Variants in TTBK2 observed in about 807,000 individuals in gnomAD.
TTBK2 encodes the protein tau tubulin kinase 2, also known as tau-tubulin kinase 2.
TTBK2 carries 28 observed loss-of-function variants against 110.8 expected under a neutral mutation model. The ratio of observed to expected loss-of-function variants is 0.25; its 90% CI spans 0.19 to 0.35. The LOEUF is 0.35. TTBK2 is among the 10% of genes least tolerant of loss of function. The pLI is 1.00. For synonymous variants in TTBK2, 532 were observed against 527.3 expected (o/e 1.01, Z -0.12); for missense variants, 1,369 against 1,500.3 (o/e 0.91, Z 1.45).
chr15:42,816,095 T>A (rs1476636865), intron 7 of TTBK2, among the ~76,000 whole-genome samples: 6 of 114,516 alleles, frequency 5.2e-5, no homozygotes, highest in African/African-American at 8.0e-5. Context: ...AATATATATA[T>A]ATATATATAT....
chr15:42,838,987 T>G (rs1356480483), intron 4 of TTBK2, among the ~76,000 whole-genome samples: 1 of 152,194 alleles, frequency 6.6e-6, no homozygotes, highest in Admixed American at 6.5e-5. Context: ...TGTGCAGGTT[T>G]GACACATGGG....
chr15:42,802,034 G>A (rs1891235942), intron 9 of TTBK2: 1 of 1,475,124 alleles, frequency 6.8e-7, no homozygotes. Context: ...TTCTGCTGCT[G>A]CACGAGGCTC....
At chr15:42,805,888 A>T (rs1891445714) in intron 9 of TTBK2, among the ~76,000 whole-genome samples, 1 of 152,226 alleles carries the variant, frequency 6.6e-6, no homozygotes, top group South Asian at 2.1e-4. Flanking sequence ...CTGGATTTTC[A>T]AGTTACTCTT....
At chr15:42,883,124 G>A (rs1895108966) in intron 1 of TTBK2, among the ~76,000 whole-genome samples, 1 of 152,154 alleles carries the variant, frequency 6.6e-6, no homozygotes, top group Admixed American at 6.6e-5. Context: ...GCTCACACCT[G>A]TAATCCCAAC....
chr15:42,802,471 T>G, intron 9 of TTBK2: 1 of 644,484 alleles, frequency 1.6e-6, no homozygotes, highest in Non-Finnish European at 2.8e-6. Context: ...CTTCTTGGTC[T>G]GCACACAGTC....
At chr15:42,802,240 C>T in intron 9 of TTBK2, 1 of 844,964 alleles carries the variant, frequency 1.2e-6, no homozygotes, top group Non-Finnish European at 2.0e-6. Context: ...TCCACTGGCC[C>T]CACCATATCC....
chr15:42,825,037 A>G (rs959473353), intron 6 of TTBK2, among the ~76,000 whole-genome samples: 3 of 152,162 alleles, frequency 2.0e-5, no homozygotes, highest in Non-Finnish European at 4.4e-5. Flanking sequence ...ACCTGAGCCC[A>G]GTAGTTTGAG....
intron 3 of TTBK2, among the ~76,000 whole-genome samples, chr15:42,841,832 T>C (rs1423170780): frequency 1.3e-5 from 2 of 152,268 alleles, no homozygotes; most frequent in East Asian, 1.9e-4. Context: ...TATGAGAATA[T>C]AGTAGGCTGT....
At chr15:42,878,304 T>C (rs1417343082) in intron 2 of TTBK2, among the ~76,000 whole-genome samples, 1 of 152,112 alleles carries the variant, frequency 6.6e-6, no homozygotes, top group Non-Finnish European at 1.5e-5. Flanking sequence ...TTTCAAACAC[T>C]GTATTTTTTT....
At chr15:42,768,064 C>G (rs1240452516) in intron 13 of TTBK2, among the ~76,000 whole-genome samples, 4 of 152,172 alleles carry the variant, frequency 2.6e-5, no homozygotes, top group African/African-American at 7.2e-5. Context: ...ATTCAACAGC[C>G]CTTCGTGCTA....
At chr15:42,791,089 G>A (rs181777524) in intron 10 of TTBK2, among the ~76,000 whole-genome samples, 241 of 152,148 alleles carry the variant, frequency 1.6e-3, no homozygotes, top group South Asian at 7.1e-3. Flanking sequence ...GGGTTTCACT[G>A]TGTTAGCCAG....
intron 6 of TTBK2, among the ~76,000 whole-genome samples, chr15:42,818,675 G>A (rs780298344): frequency 5.9e-5 from 9 of 152,040 alleles, no homozygotes; most frequent in Non-Finnish European, 1.3e-4. Flanking sequence ...AGCGGAGATC[G>A]CGCCACTGCA....
chr15:42,862,421 T>C lies in TTBK2; in HGVS notation c.217+10190A>G, dbSNP rs7163205. On this transcript the variant is annotated intron_variant, in intron 3 of 14. Transcript: ENST00000267890. ...TAGGCTTTATTCTTGGGATGCACAG[T>C]TGGTTCAACACATGCAAATAAAAAA... Among the ~76,000 whole-genome samples, 1,251 of 152,282 alleles carry C rather than the reference T, an allele frequency of 8.2e-3. 26 individuals are homozygous for C. Among genetic ancestry groups the C allele is most frequent in the African/African-American group, 0.028 (1,179 of 41,560 alleles).
rs987970668 is a variant in TTBK2, at chr15:42,740,228, A to C, written c.*5567T>G. On this transcript the variant is annotated 3_prime_UTR_variant, in exon 15 of 15. Coordinates refer to ENST00000267890, the MANE Select transcript of TTBK2 (RefSeq NM_173500.4). The stretch of plus-strand genomic sequence containing the variant: ...CCACTAACGCTTCCAGCTGAAGAGG[A>C]GGCAGAAAACCGTTACATTGCACAG... The C allele has an allele frequency of 2.6e-5, 4 of 152,250 alleles. No individual in the cohort carries two copies. Among genetic ancestry groups the C allele is most frequent in the African/African-American group, 4.8e-5 (2 of 41,460 alleles). The allele number at this position is 152,250 out of a possible 1,614,324, so 9.4% of individuals were successfully genotyped here.
At chr15:42,899,537 G>A (rs538492464) in intron 1 of TTBK2, among the ~76,000 whole-genome samples, 1 of 151,826 alleles carries the variant, frequency 6.6e-6, no homozygotes, top group Non-Finnish European at 1.5e-5. Flanking sequence ...TCAGGAGATC[G>A]AGACCATCTT....
At chr15:42,865,481 A>G (rs1402411861) in intron 3 of TTBK2, among the ~76,000 whole-genome samples, 4 of 150,470 alleles carry the variant, frequency 2.7e-5, no homozygotes, top group Non-Finnish European at 5.9e-5. Context: ...TACAAAAGAC[A>G]GAAAAAGAAT....
At position 42,739,068 on chromosome 15, in the gene TTBK2, A is replaced by G. The variant is rs889594491; in HGVS notation, c.*6727T>C. On this transcript the variant is annotated 3_prime_UTR_variant, in exon 15 of 15. Coordinates refer to ENST00000267890, the MANE Select transcript of TTBK2 (RefSeq NM_173500.4). ...ACTTAAAACACTGTACAAAGCTTTA[A>G]TATGATACAAATGGGAAAATTAAAT... 2 of 152,240 alleles carry G rather than the reference A, an allele frequency of 1.3e-5. No individual in the cohort carries two copies. Among genetic ancestry groups the G allele is most frequent in the Non-Finnish European group, 2.9e-5 (2 of 68,044 alleles). 9.4% of individuals were successfully genotyped at this position (152,240 alleles called of 1,614,324 possible).
chr15:42,824,490 C>A (rs952287591), intron 6 of TTBK2, among the ~76,000 whole-genome samples: 3 of 151,974 alleles, frequency 2.0e-5, no homozygotes, highest in Admixed American at 1.3e-4. Flanking sequence ...TCTTATGAGT[C>A]TTAACTACTT....
chr15:42,777,987 C>T (rs1006684814), intron 11 of TTBK2, among the ~76,000 whole-genome samples: 1 of 151,584 alleles, frequency 6.6e-6, no homozygotes, highest in African/African-American at 2.4e-5. Flanking sequence ...ATTTAGGTCT[C>T]CAGAACTCCC....
Sources: allele counts gnomAD v4.1 joint callset (sites outside exome capture counted in the v4.1 genomes callset), GRCh38; gene constraint gnomAD v4.1.1; transcripts MANE v1.5; gene names NCBI Gene and HGNC (gene_info 2026-07-23, HGNC 2026-07-21).